Variants in ANKRD36 observed in about 807,000 individuals in gnomAD.
ANKRD36 encodes ankyrin repeat domain 36.
In ANKRD36, 179 loss-of-function variants were observed where a neutral mutation model predicts 278.1. The ratio of observed to expected loss-of-function variants is 0.64; its 90% CI spans 0.57 to 0.73. ANKRD36 has a LOEUF of 0.73. ANKRD36 is among the 30% of genes least tolerant of loss of function. The pLI is 0.00. For missense variants in ANKRD36, 1,159 were observed against 1,956.7 expected (o/e 0.59, Z 7.69); for synonymous variants, 320 against 641.1 (o/e 0.50, Z 7.57).
chr2:97,222,077 T>A, intron 66 of ANKRD36, among the ~76,000 whole-genome samples: 1 of 151,884 alleles, frequency 6.6e-6, no homozygotes, highest in Non-Finnish European at 1.5e-5. Flanking sequence ...TTGTCAAAGA[T>A]CAGATAGTTA....
intron 67 of ANKRD36, among the ~76,000 whole-genome samples, chr2:97,231,058 T>A (rs1403452956): frequency 1.3e-5 from 2 of 152,028 alleles, no homozygotes; most frequent in Non-Finnish European, 2.9e-5. Flanking sequence ...TACCTGGGGG[T>A]GCCTCCCAGT....
At position 97,118,175 on chromosome 2, in the gene ANKRD36, C is replaced by T. The variant is rs777081667; in HGVS notation, c.309C>T (p.Ile103=). 1.9e-6 allele frequency: 3 copies of T among 1,582,298 alleles called. No homozygotes were observed. In the East Asian group the frequency reaches 6.9e-5, roughly 36 times the overall value. The part of the protein sequence containing the change: ...LCDREDRTPL[I]KAVQLRQEAC... ...ACCGTGAAGACAGGACACCTCTGAT[C>T]AAGGTATATAGTAGCTGACTCTTTG... The change falls in exon 2 of 76, where the codon ATC becomes ATT. Residue 103 remains isoleucine, a synonymous_variant. Coordinates refer to ENST00000420699, the MANE Select transcript of ANKRD36 (RefSeq NM_001354587.1).
intron 42 of ANKRD36, among the ~76,000 whole-genome samples, chr2:97,197,682 C>T (rs1474458745): frequency 6.6e-6 from 1 of 151,890 alleles, no homozygotes; most frequent in Admixed American, 6.6e-5. Context: ...ATGAGTATTG[C>T]TGTGATTTCT....
chr2:97,219,469 T>G (rs1318253650), intron 66 of ANKRD36, among the ~76,000 whole-genome samples: 1 of 152,038 alleles, frequency 6.6e-6, no homozygotes, highest in Admixed American at 6.6e-5. Context: ...TTTTGTTTTG[T>G]TTTTTGTTTT....
At chr2:97,186,062 A>G (rs2057361070) in intron 30 of ANKRD36, among the ~76,000 whole-genome samples, 1 of 151,818 alleles carries the variant, frequency 6.6e-6, no homozygotes, top group South Asian at 2.1e-4. Context: ...CTTCGGATGC[A>G]TTTAGCATAT....
In ANKRD36 at chr2:97,261,135, ACTT is replaced by A. The variant is rs1242193199; in HGVS notation, c.*7-3193_*7-3191del. Reference sequence around the variant, plus strand: ...GTAGTCTGTTTAATTTCCTTTAAGAACTTTTTTTTTTTTGCATTCACAGCTTAG... The same window carrying A: ...GTAGTCTGTTTAATTTCCTTTAAGAATTTTTTTTTTGCATTCACAGCTTAG... On this transcript the variant is annotated intron_variant, in intron 75 of 75. Transcript: ENST00000420699. 2.1e-4 allele frequency among the ~76,000 whole-genome samples: 25 copies of A among 121,414 alleles called. 1 individual carries two copies. The highest frequency in any genetic ancestry group is 7.8e-4 in the African/African-American group (20 of 25,634). 79.7% of individuals were successfully genotyped at this position (121,414 alleles called of 152,430 possible). A position where few individuals can be genotyped will look rare whatever the true frequency, so the allele number is the denominator to read the frequency against.
chr2:97,191,184 A>G lies in ANKRD36; in HGVS notation c.2347+3A>G. ...GGATGGAGAAAAATCTGGGACAGGTAATTTTGCAAAAGACATTTAATGTCA... is the reference window on the plus strand; with the variant it reads ...GGATGGAGAAAAATCTGGGACAGGTGATTTTGCAAAAGACATTTAATGTCA... On this transcript the variant is annotated splice_donor_region_variant and intron_variant, in intron 36 of 75. Transcript: ENST00000420699. The G allele has an allele frequency of 2.5e-6, 4 of 1,584,910 alleles. No individual in the cohort carries two copies. The highest frequency in any genetic ancestry group is 3.4e-6 in the Non-Finnish European group (4 of 1,165,314).
At chr2:97,165,243 C>G (rs924546068) in intron 20 of ANKRD36, among the ~76,000 whole-genome samples, 1 of 152,084 alleles carries the variant, frequency 6.6e-6, no homozygotes, top group African/African-American at 2.4e-5. Context: ...ATAGCTGCAA[C>G]TCGGCTTTTG....
At chr2:97,211,025 A>G (rs1428033716) in intron 56 of ANKRD36, among the ~76,000 whole-genome samples, 1 of 151,890 alleles carries the variant, frequency 6.6e-6, no homozygotes, top group Non-Finnish European at 1.5e-5. Context: ...AAGGTGATCA[A>G]TTTAGGACAC....
chr2:97,118,242 A>G lies in ANKRD36; in HGVS notation c.312+64A>G, dbSNP rs994695570. The G allele has an allele frequency of 8.9e-6, 14 of 1,581,306 alleles. No individual in the cohort carries two copies. In the African/African-American group the frequency reaches 1.2e-4, roughly 14 times the overall value. ...GGTTGAAGTACATAGGATAAAATGA[A>G]TTTATCTCATTGGAATACCACCATA... On this transcript the variant is annotated intron_variant, in intron 2 of 75. Transcript: ENST00000420699.
chr2:97,209,000 G>T (rs1366392816), intron 54 of ANKRD36, among the ~76,000 whole-genome samples: 1 of 146,602 alleles, frequency 6.8e-6, no homozygotes, highest in East Asian at 2.0e-4. Context: ...TTTTATTGAG[G>T]CTAATATATT....
chr2:97,206,007 T>C (rs2062749174), intron 51 of ANKRD36, 39 bp downstream of exon 51: 1 of 1,546,104 alleles, frequency 6.5e-7, no homozygotes, highest in African/African-American at 1.4e-5. Flanking sequence ...CGAGTTAATA[T>C]ATGGTCTATG....
intron 66 of ANKRD36, among the ~76,000 whole-genome samples, chr2:97,222,649 GC>G (rs1436272921): frequency 6.6e-6 from 1 of 152,106 alleles, no homozygotes; most frequent in Non-Finnish European, 1.5e-5. Context: ...GTGTCATTTT[GC>G]TACTATTTCT....
chr2:97,197,438 A>G (rs868830468), intron 42 of ANKRD36, among the ~76,000 whole-genome samples: 1 of 151,852 alleles, frequency 6.6e-6, no homozygotes, highest in Non-Finnish European at 1.5e-5. Context: ...CTGACTCATT[A>G]CTCTCCTTTG....
At chr2:97,200,968 C>G (rs1177705826) in intron 46 of ANKRD36, among the ~76,000 whole-genome samples, 1 of 151,858 alleles carries the variant, frequency 6.6e-6, no homozygotes, top group Non-Finnish European at 1.5e-5. Flanking sequence ...CAATTATTTT[C>G]TGAATGAAGA....
At chr2:97,169,420 T>A (rs992004723) in intron 22 of ANKRD36, among the ~76,000 whole-genome samples, 2 of 152,294 alleles carry the variant, frequency 1.3e-5, no homozygotes, top group African/African-American at 4.8e-5. Flanking sequence ...CTGATCATAG[T>A]ATTGGAAGTT....
chr2:97,215,627 T>C (rs1288638955), intron 62 of ANKRD36, 130 bp downstream of exon 62: 2 of 1,551,518 alleles, frequency 1.3e-6, no homozygotes, highest in East Asian at 2.5e-5. Flanking sequence ...TCTTCATTTG[T>C]AATAAGTCCT....
intron 6 of ANKRD36, among the ~76,000 whole-genome samples, chr2:97,142,149 G>A (rs2043069347): frequency 6.6e-6 from 1 of 152,296 alleles, no homozygotes; most frequent in Admixed American, 6.5e-5. Flanking sequence ...GATGTGAAGT[G>A]TACATTCAGC....
At position 97,134,664 on chromosome 2, in the gene ANKRD36, A is replaced by T. The variant is rs1261057872; in HGVS notation, c.799+7530A>T. On this transcript the variant is annotated intron_variant, in intron 6 of 75. Coordinates refer to ENST00000420699, the MANE Select transcript of ANKRD36 (RefSeq NM_001354587.1). ...GAGTCATACTATTTTTGTTTACATAAAGTGACAAAGATTTGTTGTTGTTGT... is the reference window on the plus strand; with the variant it reads ...GAGTCATACTATTTTTGTTTACATATAGTGACAAAGATTTGTTGTTGTTGT... Among the ~76,000 whole-genome samples the T allele has an allele frequency of 3.3e-5, 5 of 152,074 alleles. No homozygotes were observed. The East Asian group carries it at 5.8e-4, about 18-fold the overall frequency.
Sources: gnomAD v4.1 joint callset for allele counts (sites outside exome capture counted in the v4.1 genomes callset) on GRCh38, gnomAD v4.1.1 for gene constraint, MANE v1.5 for transcripts, NCBI Gene and HGNC (gene_info 2026-07-23, HGNC 2026-07-21) for gene names.